KDM7A: variants seen among roughly 807,000 people sequenced by gnomAD.
KDM7A encodes the protein lysine demethylase 7A.
Under a neutral mutation model 114.8 loss-of-function variants are expected in KDM7A, and 28 were observed. That is an observed-to-expected ratio of 0.24 (90% CI 0.18 to 0.33). The LOEUF is 0.33. KDM7A is among the 10% of genes least tolerant of loss of function. The pLI, the probability that KDM7A is intolerant of heterozygous loss-of-function variation, is 1.00. For missense variants in KDM7A, 942 were observed against 1,142.5 expected (o/e 0.82, Z 2.53); for synonymous variants, 423 against 397.8 (o/e 1.06, Z -0.75).
intron 19 of KDM7A, 27 bp from the exon 20 acceptor site, chr7:140,091,215 G>A: frequency 6.7e-7 from 1 of 1,489,726 alleles, no homozygotes; most frequent in East Asian, 2.3e-5. Context: ...GGGAGTGTAA[G>A]TAATGATGAA....
intron 1 of KDM7A, among the ~76,000 whole-genome samples, chr7:140,162,645 T>C (rs927943918): frequency 1.3e-5 from 2 of 152,204 alleles, no homozygotes; most frequent in Non-Finnish European, 2.9e-5. Flanking sequence ...TCTTTACACT[T>C]GTCTTTGATC....
rs1201207837 is a variant in KDM7A at position 140,129,515 on chromosome 7, C to T, written c.537G>A (p.Val179=). ...GLRLPSPTFS[V]MDVERYVGGD... ...TACCTACATAACGTTCCACATCCAT[C>T]ACAGAAAATGTAGGTGAAGGGAGCC... Residue 179 remains valine (V), a synonymous_variant, in exon 4 of 20, where the codon GTG becomes GTA. Coordinates refer to ENST00000397560, the MANE Select transcript of KDM7A (RefSeq NM_030647.2). The T allele has an allele frequency of 6.2e-7, 1 of 1,613,680 alleles. No homozygotes were observed. The highest frequency in any genetic ancestry group is 1.1e-5 in the South Asian group (1 of 91,058).
In KDM7A at chr7:140,091,912, T is replaced by C. The variant is rs1013759103; in HGVS notation, c.2623A>G (p.Ser875Gly). The C allele has an allele frequency of 6.0e-5, 97 of 1,613,982 alleles. No homozygotes were observed. The highest frequency in any genetic ancestry group is 8.1e-5 in the Non-Finnish European group (96 of 1,180,028). The change falls in exon 19 of 20, where the codon AGT becomes GGT. Residue 875 changes from serine to glycine, a missense_variant. By Grantham distance (56) the Ser-to-Gly change is moderately conservative. Coordinates refer to ENST00000397560, the MANE Select transcript of KDM7A (RefSeq NM_030647.2). ...CCAACTGGCCTTTCTGGGCTTAGAC[T>C]GCCATTACTTATCTGGCACGCCCCC... ...TSGACQISNG[S>G]LSPERPVGET...
At chr7:140,123,567 C>A (rs1818649115) in intron 7 of KDM7A, among the ~76,000 whole-genome samples, 1 of 152,126 alleles carries the variant, frequency 6.6e-6, no homozygotes, top group African/African-American at 2.4e-5. Context: ...TACATACTTA[C>A]CAGCTGAGCA....
At chr7:140,145,295 G>C (rs1301113332) in intron 1 of KDM7A, among the ~76,000 whole-genome samples, 5 of 152,132 alleles carry the variant, frequency 3.3e-5, no homozygotes, top group Admixed American at 3.3e-4. Context: ...CCCGTGAAAT[G>C]TAAGTGGTCA....
intron 11 of KDM7A, among the ~76,000 whole-genome samples, chr7:140,103,863 C>T (rs1161254719): frequency 2.0e-5 from 3 of 152,190 alleles, no homozygotes; most frequent in Non-Finnish European, 4.4e-5. Flanking sequence ...ATTTCTAGTT[C>T]TAGATCCCTG....
chr7:140,168,544 G>C (rs1794603288), intron 1 of KDM7A, among the ~76,000 whole-genome samples: 1 of 151,468 alleles, frequency 6.6e-6, no homozygotes, highest in Non-Finnish European at 1.5e-5. Flanking sequence ...CTCCAGCCTG[G>C]GCAACAGAGC....
chr7:140,094,373 C>T (rs1308315652), intron 17 of KDM7A, among the ~76,000 whole-genome samples: 6 of 152,078 alleles, frequency 3.9e-5, no homozygotes, highest in East Asian at 1.9e-4. Context: ...GGTATGGTGG[C>T]GGACGCCTGT....
chr7:140,167,279 A>G (rs983418460), intron 1 of KDM7A, among the ~76,000 whole-genome samples: 2 of 106,162 alleles, frequency 1.9e-5, no homozygotes, highest in Admixed American at 2.4e-4. Context: ...ATCTGCAAGA[A>G]TAACCAGAAA....
chr7:140,176,303 G>C lies in KDM7A; in HGVS notation c.194+441C>G, dbSNP rs1422969926. On this transcript the variant is annotated intron_variant, in intron 1 of 19. Transcript: ENST00000397560. The surrounding 1 kb of genome is among the most constrained non-coding windows in gnomAD (Gnocchi z 4.4). ...AGGAAGGCAGGCGCGTCGGCCGGCC[G>C]GGCAGAGCGGCGGGGCGGCCGGCGA... is the stretch of plus-strand genomic sequence containing the variant. 2.0e-5 allele frequency among the ~76,000 whole-genome samples: 3 copies of C among 146,884 alleles called. No homozygotes were observed. The highest frequency in any genetic ancestry group is 1.4e-4 in the Admixed American group (2 of 14,678).
Position 140,091,149 on chromosome 7 carries a change from C to T in KDM7A, c.2771G>A (p.Arg924His), listed in dbSNP as rs368750398. 8.1e-6 allele frequency: 13 copies of T among 1,614,100 alleles called. No individual in the cohort carries two copies. Among genetic ancestry groups the T allele is most frequent in the East Asian group, 2.2e-5 (1 of 44,880 alleles). The change falls in exon 20 of 20, where the codon CGT (arginine) becomes CAT (histidine). Residue 924 changes from arginine to histidine, a missense_variant. Physicochemically the swap from Arg to His is conservative, Grantham distance 29. Around this residue, in one of 4 missense-constraint regions of KDM7A, gnomAD observed 512 missense variants for 576.6 expected, o/e 0.89. Coordinates refer to ENST00000397560, the MANE Select transcript of KDM7A (RefSeq NM_030647.2). ...GTTCAACTTAAGGATCTTCCCAAGA[C>T]GTTGTTTGGCTGTTGCCATTCCTTT... ...PKKGMATAKQ[R>H]LGKILKLNRN...
chr7:140,100,735 T>TACAC lies in KDM7A; in HGVS notation c.1639-713_1639-712insGTGT, dbSNP rs1818207920. On this transcript the variant is annotated intron_variant, in intron 12 of 19. Coordinates refer to ENST00000397560, the MANE Select transcript of KDM7A (RefSeq NM_030647.2). Reference sequence around the variant, plus strand: ...ACATATATATATATATATATATATATATATATACATATATATTTTTTTGTT... The same window carrying TACAC: ...ACATATATATATATATATATATATATACACATATATACATATATATTTTTTTGTT... Among the ~76,000 whole-genome samples, 10 of 51,670 alleles carry TACAC rather than the reference T, an allele frequency of 1.9e-4. 1 individual carries two copies. The highest frequency in any genetic ancestry group is 1.4e-3 in the South Asian group (2 of 1,452). The allele number at this position is 51,670 out of a possible 152,430, so 33.9% of individuals were successfully genotyped here.
chr7:140,131,875 G>C (rs1211023988), intron 3 of KDM7A, among the ~76,000 whole-genome samples: 1 of 152,116 alleles, frequency 6.6e-6, no homozygotes, highest in East Asian at 1.9e-4. Flanking sequence ...GCAAATTATG[G>C]TACCTATAGA....
chr7:140,116,968 C>G (rs1818540234), intron 9 of KDM7A, among the ~76,000 whole-genome samples: 1 of 152,160 alleles, frequency 6.6e-6, no homozygotes, highest in Admixed American at 6.5e-5. Flanking sequence ...AGTCTGAGAG[C>G]TGGCAAACAA....
chr7:140,092,282 A>G, intron 18 of KDM7A: 1 of 590,216 alleles, frequency 1.7e-6, no homozygotes, highest in Non-Finnish European at 3.0e-6. Flanking sequence ...TTGCATCGTT[A>G]AGTTAAGAAG....
At position 140,115,556 on chromosome 7, in the gene KDM7A, G is replaced by A. The variant is rs549852201; in HGVS notation, c.1247-1974C>T. On this transcript the variant is annotated intron_variant, in intron 9 of 19. Transcript: ENST00000397560. ...ACTCAGGGTTAAATGGATTAAGGGC[G>A]GTGCAAGATGTGCTTTGTTAAACAG... Among the ~76,000 whole-genome samples, 1,185 of 152,164 alleles carry A rather than the reference G, an allele frequency of 7.8e-3. 7 individuals carry two copies. Among genetic ancestry groups the A allele is most frequent in the Non-Finnish European group, 0.013 (859 of 67,998 alleles).
rs1291246098 is a variant in KDM7A at position 140,160,112 on chromosome 7, C to T, written c.194+16632G>A. Among the ~76,000 whole-genome samples the T allele has an allele frequency of 3.3e-5, 5 of 152,026 alleles. No homozygotes were observed. The East Asian group carries it at 9.6e-4, about 29-fold the overall frequency. ...TAAAATGTAGCGTGAGCATCACTAA[C>T]ACGATTTAGCAGACACCTCTGTTTA... On this transcript the variant is annotated intron_variant, in intron 1 of 19. Transcript: ENST00000397560.
intron 10 of KDM7A, 135 bp downstream of exon 10, chr7:140,113,356 C>T (rs1585145602): frequency 4.2e-6 from 2 of 473,762 alleles, no homozygotes; most frequent in East Asian, 6.6e-5. Context: ...TAATAAAATG[C>T]AGGTTGTATA....
Position 140,091,133 on chromosome 7 carries a change from A to C in KDM7A, c.2787T>G (p.Leu929=), listed in dbSNP as rs1818011562. 1 of 1,614,108 alleles carries C rather than the reference A, an allele frequency of 6.2e-7. No individual in the cohort carries two copies. The highest frequency in any genetic ancestry group is 1.3e-5 in the African/African-American group (1 of 75,052). ...GTGCATGGCCATTTCTGTTCAACTTAAGGATCTTCCCAAGACGTTGTTTGG... is the reference window on the plus strand; with the variant it reads ...GTGCATGGCCATTTCTGTTCAACTTCAGGATCTTCCCAAGACGTTGTTTGG... The part of the protein sequence containing the change: ...ATAKQRLGKI[L]KLNRNGHARF... The change falls in exon 20 of 20, where the codon CTT becomes CTG. Residue 929 remains leucine (L), a synonymous_variant. Coordinates refer to ENST00000397560, the MANE Select transcript of KDM7A (RefSeq NM_030647.2).
Sources: gnomAD v4.1 joint callset for allele counts (sites outside exome capture counted in the v4.1 genomes callset) on GRCh38, gnomAD v4.1.1 for gene constraint, gnomAD v4.1.1 regional missense constraint, Gnocchi (gnomAD v3.1) non-coding constraint, MANE v1.5 for transcripts, NCBI Gene and HGNC (gene_info 2026-07-23, HGNC 2026-07-21) for gene names.